FKBP11: variants seen among roughly 807,000 people sequenced by gnomAD.
FKBP11 encodes peptidyl-prolyl cis-trans isomerase FKBP11.
Under a neutral mutation model 24.7 loss-of-function variants are expected in FKBP11, and 21 were observed. The ratio of observed to expected loss-of-function variants is 0.85; its 90% CI spans 0.60 to 1.23. The LOEUF is 1.23. Ranked by LOEUF, FKBP11 falls within the 50% of genes most tolerant of loss-of-function variation. The pLI, the probability that FKBP11 is intolerant of heterozygous loss-of-function variation, is 0.00. For synonymous variants in FKBP11, 106 were observed against 100.6 expected (o/e 1.05, Z -0.32); for missense variants, 245 against 248.7 (o/e 0.99, Z 0.10).
upstream of FKBP11, among the ~76,000 whole-genome samples, chr12:48,928,456 C>T (rs930103744): frequency 2.6e-5 from 4 of 151,404 alleles, no homozygotes; most frequent in Non-Finnish European, 5.9e-5. Context: ...GCGAGCATAT[C>T]TGGCTAATTT....
At chr12:48,923,375 G>C (rs779135807) in intron 5 of FKBP11, 3 of 1,442,548 alleles carry the variant, frequency 2.1e-6, no homozygotes, top group Non-Finnish European at 2.7e-6. Flanking sequence ...ACTTGACTGT[G>C]ATTATTTTTA....
upstream of FKBP11, among the ~76,000 whole-genome samples, chr12:48,927,054 A>T (rs1939984452): frequency 6.6e-6 from 1 of 152,022 alleles, no homozygotes; most frequent in Non-Finnish European, 1.5e-5. Context: ...GTGATCCGCC[A>T]GCCTCAGCAT....
At chr12:48,923,399 G>A in intron 5 of FKBP11, 3 of 1,476,096 alleles carry the variant, frequency 2.0e-6, no homozygotes, top group South Asian at 1.3e-5. Flanking sequence ...TCTCTTCCCT[G>A]ATGGAGGCTG....
At chr12:48,931,659 T>C in the FKBP11 span, 24 of 583,028 alleles carry the variant, frequency 4.1e-5, no homozygotes, top group Non-Finnish European at 7.3e-5. Context: ...CCAAGACTCA[T>C]GGGGCACCCA....
At chr12:48,923,728 G>T (rs1314821211) in intron 5 of FKBP11, 54 bp downstream of exon 5, 2 of 1,588,082 alleles carry the variant, frequency 1.3e-6, no homozygotes, top group East Asian at 4.5e-5. Context: ...GCTCCTTATA[G>T]CTCTTAGGGA....
At chr12:48,925,594 GA>G, upstream of FKBP11, 1 of 894,308 alleles carries the variant, frequency 1.1e-6, no homozygotes, top group Non-Finnish European at 1.7e-6. Context: ...CCCCACCTCC[GA>G]AAGGGAGGAG....
At chr12:48,926,722 A>G (rs993841414), upstream of FKBP11, among the ~76,000 whole-genome samples, 1 of 151,034 alleles carries the variant, frequency 6.6e-6, no homozygotes, top group Non-Finnish European at 1.5e-5. Context: ...CGAATTCCCA[A>G]CCTCAAGTGA....
At chr12:48,923,156 A>T in intron 5 of FKBP11, 8 of 1,131,534 alleles carry the variant, frequency 7.1e-6, no homozygotes, top group Non-Finnish European at 8.7e-6. Context: ...CTCAAAAAAA[A>T]AAAAAGAATT....
intron 2 of FKBP11, 117 bp downstream of exon 2, chr12:48,924,929 C>T: frequency 6.9e-7 from 1 of 1,446,584 alleles, no homozygotes; most frequent in Non-Finnish European, 9.1e-7. Flanking sequence ...CTCGACGACC[C>T]CAGAGCCCCG....
chr12:48,932,361 C>T, the FKBP11 span, among the ~76,000 whole-genome samples: 1 of 141,080 alleles, frequency 7.1e-6, no homozygotes, highest in Non-Finnish European at 1.5e-5. Context: ...TATCCTCCCA[C>T]CTAAGCCTCC....
At chr12:48,930,425 T>C (rs1317964223), upstream of FKBP11, among the ~76,000 whole-genome samples, 1 of 152,242 alleles carries the variant, frequency 6.6e-6, no homozygotes, top group Non-Finnish European at 1.5e-5. Flanking sequence ...CTGTATATTT[T>C]TGTATTGTTT....
upstream of FKBP11, among the ~76,000 whole-genome samples, chr12:48,927,647 C>CT (rs1438030047): frequency 6.6e-6 from 1 of 152,180 alleles, no homozygotes; most frequent in Non-Finnish European, 1.5e-5. Context: ...CAAGAAGGCC[C>CT]TTTAAAGAGT....
chr12:48,932,168 A>AATAT, the FKBP11 span, among the ~76,000 whole-genome samples: 32,088 of 123,638 alleles, frequency 0.26, 5,193 homozygotes, highest in East Asian at 0.4. Context: ...TAAAAGTAAA[A>AATAT]ATATATATAT....
chr12:48,925,726 A>C, upstream of FKBP11: 2 of 427,616 alleles, frequency 4.7e-6, no homozygotes, highest in East Asian at 3.9e-5. Flanking sequence ...ACGATTACCT[A>C]CTGTGTGTCA....
At chr12:48,932,389 A>G in the FKBP11 span, among the ~76,000 whole-genome samples, 2 of 147,056 alleles carry the variant, frequency 1.4e-5, no homozygotes, top group Non-Finnish European at 3.0e-5. Context: ...TTGAGGTTAT[A>G]GAATTGAGCC....
At chr12:48,925,606 G>T, upstream of FKBP11, 1 of 748,878 alleles carries the variant, frequency 1.3e-6, no homozygotes, top group Non-Finnish European at 2.1e-6. Flanking sequence ...AAGGGAGGAG[G>T]CCGAGGGGCG....
At chr12:48,923,111 G>C in intron 5 of FKBP11, 1 of 1,046,222 alleles carries the variant, frequency 9.6e-7, no homozygotes, top group Non-Finnish European at 1.2e-6. Context: ...TTGCACTATT[G>C]CACTCCAGCC....
chr12:48,938,655 G>A, the FKBP11 span: 9 of 434,606 alleles, frequency 2.1e-5, no homozygotes, highest in Admixed American at 3.3e-5. Context: ...TCGACCTCCC[G>A]AAACCCAGAG....
chr12:48,925,204 TC>T (rs1243680733), intron 1 of FKBP11, 93 bp from the exon 2 acceptor site: 2 of 1,586,042 alleles, frequency 1.3e-6, no homozygotes, highest in South Asian at 2.3e-5. Context: ...TTCCCGCACT[TC>T]CTCTCCTCCC....
Sources: allele counts gnomAD v4.1 joint callset (sites outside exome capture counted in the v4.1 genomes callset), GRCh38; gene constraint gnomAD v4.1.1; transcripts MANE v1.5; gene names NCBI Gene and HGNC (gene_info 2026-07-23, HGNC 2026-07-21).